Variants in GNG4 observed in about 807,000 individuals in gnomAD.
The protein encoded by GNG4 is G protein subunit gamma 4.
Under a neutral mutation model 5.8 loss-of-function variants are expected in GNG4, and 4 were observed. That is an observed-to-expected ratio of 0.69 (90% CI 0.34 to 1.57). The LOEUF is 1.57. Ranked by LOEUF, GNG4 falls within the 40% of genes most tolerant of loss-of-function variation. The probability of loss-of-function intolerance (pLI) is 0.06; values close to 1 mark genes in which losing one functional copy is unlikely to be tolerated. For missense variants in GNG4, 96 were observed against 95.1 expected, an observed-to-expected ratio of 1.01 and a Z score of -0.04; for synonymous variants, 29 against 32.9, an observed-to-expected ratio of 0.88 and a Z score of 0.41.
At chr1:235,584,377 C>G (rs186340438) in intron 2 of GNG4, among the ~76,000 whole-genome samples, 8 of 152,152 alleles carry the variant, frequency 5.3e-5, no homozygotes, top group Non-Finnish European at 1.2e-4. Context: ...GAAGCCTAGC[C>G]GAGTGTCTCA....
chr1:235,642,878 G>A lies in GNG4; in HGVS notation c.-123+6784C>T, dbSNP rs1346507240. On this transcript the variant is annotated intron_variant, in intron 1 of 3. Coordinates refer to ENST00000391854, the MANE Select transcript of GNG4 (RefSeq NM_001098722.2). The surrounding 1 kb of genome is among the most constrained non-coding windows in gnomAD (Gnocchi z 4.3). ...TCGATGTCACCTCCTGACTTGGCAA[G>A]TCATACACCCTCTCTCTACTTGCCC... 6.6e-6 allele frequency among the ~76,000 whole-genome samples: 1 copy of A among 152,062 alleles called. No individual in the cohort carries two copies. The highest frequency in any genetic ancestry group is 1.5e-5 in the Non-Finnish European group (1 of 68,014).
At chr1:235,591,274 T>A (rs1423278107) in intron 2 of GNG4, among the ~76,000 whole-genome samples, 3 of 152,198 alleles carry the variant, frequency 2.0e-5, no homozygotes, top group African/African-American at 7.2e-5. Context: ...CCACACTTGG[T>A]CTGTCCTGCT....
At chr1:235,573,437 C>A (rs1687394652) in intron 3 of GNG4, among the ~76,000 whole-genome samples, 1 of 151,662 alleles carries the variant, frequency 6.6e-6, no homozygotes, top group Admixed American at 6.6e-5. Flanking sequence ...AACAAACCTG[C>A]ATGTTGTGTA....
Position 235,550,210 on chromosome 1 carries a change from T to C in GNG4, c.*1899A>G, listed in dbSNP as rs1686704328. The C allele has an allele frequency of 6.6e-6, 1 of 152,248 alleles. No individual in the cohort carries two copies. The highest frequency in any genetic ancestry group is 1.5e-5 in the Non-Finnish European group (1 of 68,052). The allele number at this position is 152,248 out of a possible 1,614,324, so 9.4% of individuals were successfully genotyped here. The stretch of plus-strand genomic sequence containing the variant: ...TAATTCATCGATGTCTAGCCTTTCC[T>C]TGGGGCATCCATGAATCACCTTCCT... On this transcript the variant is annotated 3_prime_UTR_variant, in exon 4 of 4. Transcript: ENST00000391854.
intron 3 of GNG4, among the ~76,000 whole-genome samples, chr1:235,553,957 C>T (rs944985762): frequency 4.6e-5 from 7 of 152,102 alleles, no homozygotes; most frequent in African/African-American, 1.7e-4. Context: ...ATCCTAAAAA[C>T]GTGTATGTTG....
chr1:235,572,854 C>T (rs185937137), intron 3 of GNG4, among the ~76,000 whole-genome samples: 68 of 152,232 alleles, frequency 4.5e-4, no homozygotes, highest in Admixed American at 9.2e-4. Context: ...TGCAGTCTGT[C>T]GCTGACTAAA....
intron 1 of GNG4, among the ~76,000 whole-genome samples, chr1:235,623,627 T>C (rs1465250030): frequency 6.6e-6 from 1 of 152,238 alleles, no homozygotes; most frequent in Non-Finnish European, 1.5e-5. Context: ...CTTCCTTTCT[T>C]GTCTGGTGAG....
rs543031016 is a variant in GNG4, at chr1:235,606,336, C to T, written c.-122-10825G>A. 5.3e-5 allele frequency among the ~76,000 whole-genome samples: 8 copies of T among 152,102 alleles called. No individual in the cohort carries two copies. The East Asian group carries it at 5.8e-4, about 11-fold the overall frequency. ...GGCAGAGGTTGCAGTGAGCTGAGAT[C>T]GTGCCACTGAACTTCAGCCTGGGCG... On this transcript the variant is annotated intron_variant, in intron 1 of 3. Transcript: ENST00000391854.
chr1:235,598,509 T>C (rs980181965), intron 1 of GNG4, among the ~76,000 whole-genome samples: 1 of 152,116 alleles, frequency 6.6e-6, no homozygotes, highest in African/African-American at 2.4e-5. Flanking sequence ...TTCAGGAGGC[T>C]GAGGCAGGAG....
intron 1 of GNG4, chr1:235,615,867 A>G: frequency 7.5e-6 from 2 of 266,538 alleles, no homozygotes; most frequent in Middle Eastern, 1.1e-3. Flanking sequence ...TGGTGGGCTC[A>G]CTCTCTGTGC....
Position 235,548,190 on chromosome 1 carries a change from C to T in GNG4, c.*3919G>A, listed in dbSNP as rs182208911. ...GTACACATTTCTGTAGGGTATACAC[C>T]TAGGGGTGGAATTGTTAGGTCATAT... is the stretch of plus-strand genomic sequence containing the variant. On this transcript the variant is annotated 3_prime_UTR_variant, in exon 4 of 4. Coordinates refer to ENST00000391854, the MANE Select transcript of GNG4 (RefSeq NM_001098722.2). 1.3e-5 allele frequency: 2 copies of T among 152,214 alleles called. No homozygotes were observed. Among genetic ancestry groups the T allele is most frequent in the Non-Finnish European group, 2.9e-5 (2 of 68,016 alleles). The allele number at this position is 152,214 out of a possible 1,614,324, so 9.4% of individuals were successfully genotyped here.
At chr1:235,626,390 C>T (rs1029729248) in intron 1 of GNG4, among the ~76,000 whole-genome samples, 1 of 151,808 alleles carries the variant, frequency 6.6e-6, no homozygotes, top group Admixed American at 6.6e-5. Context: ...TCTTGACTTT[C>T]CCAAGCTTTT....
At chr1:235,572,362 G>C (rs553425917) in intron 3 of GNG4, among the ~76,000 whole-genome samples, 2 of 152,010 alleles carry the variant, frequency 1.3e-5, no homozygotes, top group Admixed American at 1.3e-4. Flanking sequence ...ACCACGCCTG[G>C]CTAATTTTCA....
At chr1:235,554,010 G>A (rs781068090) in intron 3 of GNG4, among the ~76,000 whole-genome samples, 3 of 152,190 alleles carry the variant, frequency 2.0e-5, no homozygotes, top group African/African-American at 4.8e-5. Flanking sequence ...GTTACAGGAC[G>A]CCCATATAGG....
At chr1:235,589,756 C>T (rs1260734675) in intron 2 of GNG4, among the ~76,000 whole-genome samples, 1 of 152,188 alleles carries the variant, frequency 6.6e-6, no homozygotes, top group African/African-American at 2.4e-5. Flanking sequence ...TTTGCAGCTG[C>T]CAGAGCCATA....
chr1:235,588,288 C>T (rs1687874691), intron 2 of GNG4, among the ~76,000 whole-genome samples: 1 of 152,030 alleles, frequency 6.6e-6, no homozygotes, highest in South Asian at 2.1e-4. Flanking sequence ...CATGGCCTCC[C>T]TCTCAGGCCC....
intron 1 of GNG4, among the ~76,000 whole-genome samples, chr1:235,621,333 C>T (rs1688707567): frequency 6.8e-6 from 1 of 147,030 alleles, no homozygotes; most frequent in Non-Finnish European, 1.5e-5. Context: ...GCTCTGTCAC[C>T]CAGGCTGGAG....
At chr1:235,622,873 CA>C (rs59428350) in intron 1 of GNG4, among the ~76,000 whole-genome samples, 3,433 of 66,616 alleles carry the variant, frequency 0.052, 99 homozygotes, top group Middle Eastern at 0.12. Context: ...GACTCCATCT[CA>C]AAAAAAAAAA....
intron 3 of GNG4, among the ~76,000 whole-genome samples, chr1:235,560,900 CTTA>C (rs1041225086): frequency 6.6e-6 from 1 of 152,150 alleles, no homozygotes; most frequent in African/African-American, 2.4e-5. Context: ...GTAGTGGTAT[CTTA>C]TTGTTTTAAT....
Sources: gnomAD v4.1 joint callset for allele counts (sites outside exome capture counted in the v4.1 genomes callset) on GRCh38, gnomAD v4.1.1 for gene constraint, Gnocchi (gnomAD v3.1) non-coding constraint, MANE v1.5 for transcripts, NCBI Gene and HGNC (gene_info 2026-07-23, HGNC 2026-07-21) for gene names.